Variants in TCL1B observed in about 807,000 individuals in gnomAD.
The protein encoded by TCL1B is TCL1 family AKT coactivator B.
A neutral mutation model predicts 16.9 loss-of-function variants in TCL1B; 14 were observed. That is an observed-to-expected ratio of 0.83 (90% CI 0.55 to 1.30). The LOEUF (loss-of-function observed/expected upper bound fraction) is 1.30, where lower values mean the gene tolerates loss of function less well. Among genes scored for constraint, TCL1B ranks in the 50% most tolerant of loss-of-function variants. The pLI is 0.00. For synonymous variants in TCL1B, 79 were observed against 66.6 expected (o/e 1.19, Z -0.91); for missense variants, 166 against 165.2 (o/e 1.00, Z -0.03).
intron 1 of TCL1B, among the ~76,000 whole-genome samples, chr14:95,689,746 T>C (rs1270802663): frequency 6.6e-6 from 1 of 152,244 alleles, no homozygotes; most frequent in Non-Finnish European, 1.5e-5. Context: ...TGCCGTATAA[T>C]TTAAAATACT....
chr14:95,686,478 A>G lies in TCL1B; in HGVS notation c.11A>G (p.Glu4Gly). 6.3e-7 allele frequency: 1 copy of G among 1,597,362 alleles called. No individual in the cohort carries two copies. The highest frequency in any genetic ancestry group is 2.2e-5 in the East Asian group (1 of 44,742). ...GGTTGCAGACTTGCCATGGCCTCCG[A>G]AGCTTCTGTGCGTCTAGGGGTGCCC... The part of the protein sequence containing the change: MAS[E>G]ASVRLGVPPG... The change falls in exon 1 of 4, where the codon GAA becomes GGA. Residue 4 changes from glutamate to glycine, a missense_variant. Transcript: ENST00000340722.
chr14:95,688,751 G>A (rs893434609), intron 1 of TCL1B, among the ~76,000 whole-genome samples: 1 of 152,196 alleles, frequency 6.6e-6, no homozygotes, highest in Non-Finnish European at 1.5e-5. Context: ...ATGAAACTTG[G>A]AGCCATTATA....
In TCL1B at chr14:95,691,195, T is replaced by C. The variant is rs1218987742; in HGVS notation, c.334-73T>C. ...CCCCTGCCTGCTGCTGCTGCCAGCC[T>C]GCATGGGCGGCCGTTAAGGCCAACT... On this transcript the variant is annotated intron_variant, in intron 2 of 3. Coordinates refer to ENST00000340722, the MANE Select transcript of TCL1B (RefSeq NM_004918.4). 6 of 1,544,370 alleles carry C rather than the reference T, an allele frequency of 3.9e-6. 1 individual carries two copies. In the East Asian group the frequency reaches 1.4e-4, roughly 35 times the overall value.
At position 95,690,996 on chromosome 14, in the gene TCL1B, G is replaced by T. The variant is rs569788568; in HGVS notation, c.333+90G>T. On this transcript the variant is annotated intron_variant, in intron 2 of 3. Coordinates refer to ENST00000340722, the MANE Select transcript of TCL1B (RefSeq NM_004918.4). The stretch of plus-strand genomic sequence containing the variant: ...TCTTCTGTGCCCCTGGCCCCCTTGG[G>T]GTTCTTGTCTGTCCTCTTCCTGTTG... 5.9e-5 allele frequency: 86 copies of T among 1,465,660 alleles called. No homozygotes were observed. The Admixed American group carries it at 1.7e-3, about 30-fold the overall frequency. 90.8% of individuals were successfully genotyped at this position (1,465,660 alleles called of 1,614,324 possible). A position where few individuals can be genotyped will look rare whatever the true frequency, so the allele number is the denominator to read the frequency against.
chr14:95,686,825 C>T (rs1346770616), intron 1 of TCL1B, among the ~76,000 whole-genome samples, 196 bp downstream of exon 1: 3 of 152,224 alleles, frequency 2.0e-5, no homozygotes, highest in African/African-American at 7.2e-5. Flanking sequence ...ACCACAGGCA[C>T]AAGCTTATCC....
At chr14:95,689,093 T>C (rs376009532) in intron 1 of TCL1B, among the ~76,000 whole-genome samples, 23 of 152,030 alleles carry the variant, frequency 1.5e-4, no homozygotes, top group East Asian at 1.2e-3. Flanking sequence ...GAGACCATCC[T>C]GGCTAACACG....
rs1190611762 is a variant in TCL1B, at chr14:95,690,823, C to T, written c.250C>T (p.Leu84=). ...CTCCGGCCAGATGCCCTTCTCCCAGCTGCCCGCCGTGTGGCAGCTCTACCC... is the reference window on the plus strand; with the variant it reads ...CTCCGGCCAGATGCCCTTCTCCCAGTTGCCCGCCGTGTGGCAGCTCTACCC... ...LSSGQMPFSQ[L]PAVWQLYPGR... is the part of the protein sequence containing the mutation. The change falls in exon 2 of 4, where the codon CTG becomes TTG. Residue 84 remains leucine (L), a synonymous_variant. Transcript: ENST00000340722. 1.2e-6 allele frequency: 2 copies of T among 1,614,010 alleles called. No individual in the cohort carries two copies. The highest frequency in any genetic ancestry group is 1.7e-6 in the Non-Finnish European group (2 of 1,179,944).
intron 1 of TCL1B, 52 bp from the exon 2 acceptor site, chr14:95,690,684 G>T (rs959587123): frequency 2.9e-5 from 46 of 1,576,872 alleles, no homozygotes; most frequent in Non-Finnish European, 3.6e-5. Context: ...GTGCAGCCCA[G>T]TTGGCAGGGA....
intron 1 of TCL1B, among the ~76,000 whole-genome samples, chr14:95,689,090 T>C (rs886900821): frequency 2.6e-5 from 4 of 152,000 alleles, no homozygotes; most frequent in East Asian, 1.9e-4. Context: ...ATCGAGACCA[T>C]CCTGGCTAAC....
rs1885764882 is a variant in TCL1B, at chr14:95,686,572, G to T, written c.105G>T (p.Val35=). ...AGGAGGGGAGAACCTGGGTGACTGT[G>T]GTCGTGCGGTTCAATCCCTCGCGTA... ...EDEEGRTWVT[V]VVRFNPSRRE... is the part of the protein sequence containing the mutation. The change falls in exon 1 of 4, where the codon GTG becomes GTT. Residue 35 remains valine (V), a synonymous_variant. Coordinates refer to ENST00000340722, the MANE Select transcript of TCL1B (RefSeq NM_004918.4). 6.2e-7 allele frequency: 1 copy of T among 1,613,960 alleles called. No individual in the cohort carries two copies. The highest frequency in any genetic ancestry group is 8.5e-7 in the Non-Finnish European group (1 of 1,179,918).
In TCL1B at chr14:95,692,598, A is replaced by G. The variant is rs1438253483; in HGVS notation, c.*683A>G. The G allele has an allele frequency of 6.6e-6, 1 of 152,210 alleles. No individual in the cohort carries two copies. The highest frequency in any genetic ancestry group is 2.4e-5 in the African/African-American group (1 of 41,436). The allele number at this position is 152,210 out of a possible 1,614,324, so 9.4% of individuals were successfully genotyped here. On this transcript the variant is annotated 3_prime_UTR_variant, in exon 4 of 4. Transcript: ENST00000340722. The stretch of plus-strand genomic sequence containing the variant: ...TAGTCCGTGAAGGTGACCTCACAGT[A>G]CTGGTTAATTAAACTTTATTGCTCA...
intron 1 of TCL1B, among the ~76,000 whole-genome samples, chr14:95,687,575 C>T (rs2061428700): frequency 6.6e-6 from 1 of 152,078 alleles, no homozygotes; most frequent in African/African-American, 2.4e-5. Flanking sequence ...TGAGGTTAGT[C>T]GAATTCATGG....
rs530618511 is a variant in TCL1B, at chr14:95,691,598, C to T, written c.*15+262C>T. The stretch of plus-strand genomic sequence containing the variant: ...CCTTGTGAGAATTTTGTGAGGTGTA[C>T]GTGTTAATGTCCCATTTCACGACGA... On this transcript the variant is annotated intron_variant, in intron 3 of 3. Transcript: ENST00000340722. The T allele has an allele frequency of 4.9e-5, 17 of 345,172 alleles. No individual in the cohort carries two copies. In the Admixed American group the frequency reaches 6.5e-4, roughly 13 times the overall value. 21.4% of individuals were successfully genotyped at this position (345,172 alleles called of 1,614,324 possible).
At position 95,691,305 on chromosome 14, in the gene TCL1B, C is replaced by T. The variant is rs755390466; in HGVS notation, c.371C>T (p.Pro124Leu). The change falls in exon 3 of 4, where the codon CCG (proline) becomes CTG (leucine). Residue 124 changes from proline (P) to leucine (L), a missense_variant. By Grantham distance (98) the Pro-to-Leu change is moderately conservative. Transcript: ENST00000340722. Reference protein sequence around the residue: ...SMEQLVLTYQPERKD With the variant: ...SMEQLVLTYQLERKD ...GAGCAGCTGGTCCTAACATATCAGCCGGAGAGGAAAGACTGACACTGGGAG... is the reference window on the plus strand; with the variant it reads ...GAGCAGCTGGTCCTAACATATCAGCTGGAGAGGAAAGACTGACACTGGGAG... 30 of 1,613,472 alleles carry T rather than the reference C, an allele frequency of 1.9e-5. No individual in the cohort carries two copies. Among genetic ancestry groups the T allele is most frequent in the African/African-American group, 9.3e-5 (7 of 74,902 alleles).
intron 3 of TCL1B, 85 bp downstream of exon 3, chr14:95,691,421 T>G (rs1885884121): frequency 1.6e-6 from 2 of 1,260,464 alleles, no homozygotes; most frequent in Non-Finnish European, 2.2e-6. Flanking sequence ...CGGCGTGGCC[T>G]CCTCCTCCCT....
chr14:95,687,130 C>G (rs1885778531), intron 1 of TCL1B, among the ~76,000 whole-genome samples: 1 of 152,212 alleles, frequency 6.6e-6, no homozygotes, highest in South Asian at 2.1e-4. Context: ...CAGACATGCT[C>G]ACATACATGG....
At chr14:95,691,426 C>T in intron 3 of TCL1B, 90 bp downstream of exon 3, 2 of 1,223,830 alleles carry the variant, frequency 1.6e-6, no homozygotes, top group Non-Finnish European at 2.3e-6. Context: ...TGGCCTCCTC[C>T]TCCCTGCTGT....
chr14:95,691,296 C>CA lies in TCL1B; in HGVS notation c.363dup (p.Tyr122IlefsTer54), dbSNP rs774583202. 6.2e-7 allele frequency: 1 copy of CA among 1,613,702 alleles called. No individual in the cohort carries two copies. The highest frequency in any genetic ancestry group is 8.5e-7 in the Non-Finnish European group (1 of 1,180,022). ...GACTCTATGGAGCAGCTGGTCCTAA[C>CA]ATATCAGCCGGAGAGGAAAGACTGA... On this transcript the variant is annotated frameshift_variant, in exon 3 of 4. Coordinates refer to ENST00000340722, the MANE Select transcript of TCL1B (RefSeq NM_004918.4). LOFTEE classifies it high-confidence loss of function.
chr14:95,686,561 T>A lies in TCL1B; in HGVS notation c.94T>A (p.Trp32Arg). The A allele has an allele frequency of 6.2e-7, 1 of 1,613,866 alleles. No individual in the cohort carries two copies. The highest frequency in any genetic ancestry group is 8.5e-7 in the Non-Finnish European group (1 of 1,179,876). Residue 32 changes from tryptophan (W) to arginine (R), a missense_variant, in exon 1 of 4, where the codon TGG becomes AGG. Physicochemically the swap from Trp to Arg is moderately radical, Grantham distance 101. Coordinates refer to ENST00000340722, the MANE Select transcript of TCL1B (RefSeq NM_004918.4). ...GIYEDEEGRT[W>R]VTVVVRFNPS... ...CTACGAAGATGAGGAGGGGAGAACCTGGGTGACTGTGGTCGTGCGGTTCAA... is the reference window on the plus strand; with the variant it reads ...CTACGAAGATGAGGAGGGGAGAACCAGGGTGACTGTGGTCGTGCGGTTCAA...
Sources: allele counts gnomAD v4.1 joint callset (sites outside exome capture counted in the v4.1 genomes callset), GRCh38; gene constraint gnomAD v4.1.1; transcripts MANE v1.5; gene names NCBI Gene and HGNC (gene_info 2026-07-23, HGNC 2026-07-21).